Variants in VAV3 observed in about 807,000 individuals in gnomAD.
The protein encoded by VAV3 is guanine nucleotide exchange factor VAV3.
VAV3 carries 94 observed loss-of-function variants against 131.2 expected under a neutral mutation model. That is an observed-to-expected ratio of 0.72 (90% confidence interval 0.61 to 0.85). The LOEUF (loss-of-function observed/expected upper bound fraction) is 0.85, where lower values mean the gene tolerates loss of function less well. Among genes scored for constraint, VAV3 ranks in the 40% least tolerant of loss-of-function variants. VAV3 has a pLI of 0.00. For missense variants in VAV3, 939 were observed against 1,002.7 expected, an observed-to-expected ratio of 0.94 and a Z score of 0.86; for synonymous variants, 349 against 342.0, an observed-to-expected ratio of 1.02 and a Z score of -0.22.
At chr1:107,683,669 C>T (rs1341431163) in intron 18 of VAV3, 136 bp from the exon 19 acceptor site, 1 of 852,412 alleles carries the variant, frequency 1.2e-6, no homozygotes, top group African/African-American at 1.7e-5. Flanking sequence ...TAAATTTGAT[C>T]AGAATATGGT....
chr1:107,912,771 T>G (rs1217157221), intron 1 of VAV3, among the ~76,000 whole-genome samples: 3 of 152,246 alleles, frequency 2.0e-5, no homozygotes, highest in African/African-American at 7.2e-5. Flanking sequence ...ACTAGGCAAC[T>G]GCAAACTTGG....
intron 15 of VAV3, among the ~76,000 whole-genome samples, chr1:107,733,096 G>C (rs1662358017): frequency 6.6e-6 from 1 of 152,118 alleles, no homozygotes; most frequent in South Asian, 2.1e-4. Context: ...AGGAAAACAG[G>C]GTCTGGAGTG....
At chr1:107,772,442 T>C (rs1237153142) in intron 5 of VAV3, among the ~76,000 whole-genome samples, 1 of 152,174 alleles carries the variant, frequency 6.6e-6, no homozygotes, top group East Asian at 1.9e-4. Flanking sequence ...TTCCCTAAAA[T>C]TCTATTCTAC....
chr1:107,772,494 C>G (rs576320541), intron 5 of VAV3, among the ~76,000 whole-genome samples: 1 of 152,282 alleles, frequency 6.6e-6, no homozygotes, highest in South Asian at 2.1e-4. Flanking sequence ...CTTCATTTCT[C>G]TCTCAGACTT....
At chr1:107,882,586 G>T (rs977727793) in intron 1 of VAV3, among the ~76,000 whole-genome samples, 1 of 151,964 alleles carries the variant, frequency 6.6e-6, no homozygotes, top group Admixed American at 6.6e-5. Flanking sequence ...ATAATATCAA[G>T]CTTCTCTCTT....
At chr1:107,668,359 C>A (rs1427287150) in intron 19 of VAV3, among the ~76,000 whole-genome samples, 2 of 152,202 alleles carry the variant, frequency 1.3e-5, no homozygotes, top group Non-Finnish European at 2.9e-5. Flanking sequence ...GTTTAAAGCT[C>A]AGTTTCAGCG....
At chr1:107,836,203 T>C (rs1668471278) in intron 2 of VAV3, among the ~76,000 whole-genome samples, 1 of 152,150 alleles carries the variant, frequency 6.6e-6, no homozygotes, top group African/African-American at 2.4e-5. Context: ...GACAGAATAC[T>C]CAACCCAACA....
chr1:107,756,366 G>C (rs1664099134), intron 11 of VAV3, among the ~76,000 whole-genome samples: 1 of 152,028 alleles, frequency 6.6e-6, no homozygotes, highest in South Asian at 2.1e-4. Context: ...GTTCTAAATG[G>C]AAGTCTGACT....
intron 17 of VAV3, among the ~76,000 whole-genome samples, chr1:107,692,678 T>G (rs1472751999): frequency 6.6e-6 from 1 of 152,182 alleles, no homozygotes. Context: ...CTCTCAGTTT[T>G]AAACCACTAG....
chr1:107,693,975 A>G (rs1363169799), intron 17 of VAV3, among the ~76,000 whole-genome samples: 1 of 150,676 alleles, frequency 6.6e-6, no homozygotes, highest in East Asian at 2.0e-4. Context: ...CCTAGAACCC[A>G]TGTGTCAAGC....
chr1:107,722,752 T>C (rs1270005158), intron 15 of VAV3, among the ~76,000 whole-genome samples: 3 of 151,830 alleles, frequency 2.0e-5, no homozygotes, highest in Admixed American at 6.6e-5. Context: ...TCCTTTAAGA[T>C]ACCTTGGGCT....
At chr1:107,891,716 G>C (rs1432599333) in intron 1 of VAV3, among the ~76,000 whole-genome samples, 1 of 151,932 alleles carries the variant, frequency 6.6e-6, no homozygotes, top group African/African-American at 2.4e-5. Flanking sequence ...GTGTATGCCT[G>C]TAATCCCAGC....
chr1:107,880,964 A>G (rs1327060480), intron 1 of VAV3, among the ~76,000 whole-genome samples: 2 of 152,152 alleles, frequency 1.3e-5, no homozygotes, highest in Admixed American at 6.5e-5. Context: ...GAAAAGTTTT[A>G]ATTTTTTTTT....
chr1:107,782,702 C>G (rs1665759360), intron 2 of VAV3, among the ~76,000 whole-genome samples: 1 of 152,130 alleles, frequency 6.6e-6, no homozygotes, highest in Non-Finnish European at 1.5e-5. Context: ...ACTGTTTAGT[C>G]AATGCGGTGT....
At position 107,686,337 on chromosome 1, in the gene VAV3, A is replaced by G. The variant is rs539751274; in HGVS notation, c.1731+2044T>C. Among the ~76,000 whole-genome samples, 61 of 152,266 alleles carry G rather than the reference A, an allele frequency of 4.0e-4. 1 individual carries two copies. The South Asian group carries it at 8.5e-3, about 21-fold the overall frequency. Reference sequence around the variant, plus strand: ...CAAAATTTAAAAAAAATTCACAATCATAACTATTGAAAGGGAAGCAGAGGA... The same window carrying G: ...CAAAATTTAAAAAAAATTCACAATCGTAACTATTGAAAGGGAAGCAGAGGA... On this transcript the variant is annotated intron_variant, in intron 18 of 26. Transcript: ENST00000370056.
At chr1:107,610,817 G>A (rs1652669872) in intron 21 of VAV3, among the ~76,000 whole-genome samples, 1 of 152,206 alleles carries the variant, frequency 6.6e-6, no homozygotes, top group African/African-American at 2.4e-5. Flanking sequence ...ACGAATAGGA[G>A]TACAGATAGT....
At chr1:107,929,279 C>A (rs1246522860) in intron 1 of VAV3, among the ~76,000 whole-genome samples, 1 of 93,730 alleles carries the variant, frequency 1.1e-5, no homozygotes, top group Non-Finnish European at 2.1e-5. Context: ...CAGAGTGACA[C>A]TCTGTCTCAA....
chr1:107,661,558 C>T (rs1032083431), intron 19 of VAV3, among the ~76,000 whole-genome samples: 2 of 152,046 alleles, frequency 1.3e-5, no homozygotes, highest in African/African-American at 4.8e-5. Context: ...TTTACAAGGC[C>T]AGGGACCATG....
chr1:107,749,713 C>T lies in VAV3; in HGVS notation c.1260-119G>A. On this transcript the variant is annotated intron_variant, in intron 13 of 26. Transcript: ENST00000370056. The stretch of plus-strand genomic sequence containing the variant: ...TTGCATTAAAGACAACAGGTAGTAT[C>T]ATACACTGAAAACAACGGGGTATTT... 8.7e-6 allele frequency: 10 copies of T among 1,145,278 alleles called. 1 individual carries two copies. In the South Asian group the frequency reaches 1.3e-4, roughly 15 times the overall value. 70.9% of individuals were successfully genotyped at this position (1,145,278 alleles called of 1,614,324 possible).
Sources: allele counts gnomAD v4.1 joint callset (sites outside exome capture counted in the v4.1 genomes callset), GRCh38; gene constraint gnomAD v4.1.1; transcripts MANE v1.5; gene names NCBI Gene and HGNC (gene_info 2026-07-23, HGNC 2026-07-21).